DLGAP2: variants seen among roughly 807,000 people sequenced by gnomAD.
The protein encoded by DLGAP2 is disks large-associated protein 2.
A neutral mutation model predicts 100.3 loss-of-function variants in DLGAP2; 26 were observed. The observed-to-expected ratio is 0.26, with a 90% CI of 0.19 to 0.36. The LOEUF is 0.36. Ranked by LOEUF, DLGAP2 falls within the 10% of genes least tolerant of loss-of-function variation. DLGAP2 has a pLI of 1.00. For missense variants in DLGAP2, 1,858 were observed against 1,453.2 expected (o/e 1.28, Z -4.53); for synonymous variants, 886 against 630.1 (o/e 1.41, Z -6.08).
chr8:1,434,235 C>T (rs1424762831), intron 3 of DLGAP2, among the ~76,000 whole-genome samples: 1 of 152,112 alleles, frequency 6.6e-6, no homozygotes, highest in Non-Finnish European at 1.5e-5. Flanking sequence ...CAGACTGGCC[C>T]TGAGGAAATC....
In DLGAP2 at chr8:1,549,223, C is replaced by T. The variant is rs1365191214; in HGVS notation, c.770C>T (p.Thr257Ile). 6.2e-7 allele frequency: 1 copy of T among 1,604,358 alleles called. No homozygotes were observed. The highest frequency in any genetic ancestry group is 1.1e-5 in the South Asian group (1 of 90,074). Residue 257 changes from threonine (T) to isoleucine (I), a missense_variant, in exon 5 of 15, where the codon ACC becomes ATC. Physicochemically the swap from Thr to Ile is moderately conservative, Grantham distance 89. Transcript: ENST00000637795. ...TCCTCCAAAAGCAACGCCAACGGCACCAAGGCGGACGGCCGGGCGGACGAC... is the reference window on the plus strand; with the variant it reads ...TCCTCCAAAAGCAACGCCAACGGCATCAAGGCGGACGGCCGGGCGGACGAC... The part of the protein sequence containing the change: ...EGSSKSNANG[T>I]KADGRADDHH...
At chr8:1,427,717 C>G (rs574290281) in intron 3 of DLGAP2, among the ~76,000 whole-genome samples, 5 of 152,174 alleles carry the variant, frequency 3.3e-5, no homozygotes, top group Non-Finnish European at 7.3e-5. Context: ...GCTCTCTTCT[C>G]TTGTCTGCTG....
intron 2 of DLGAP2, among the ~76,000 whole-genome samples, chr8:921,038 A>G (rs967870420): frequency 6.6e-6 from 1 of 152,168 alleles, no homozygotes; most frequent in Non-Finnish European, 1.5e-5. Context: ...GGTTTACCTA[A>G]GTGTACATTT....
chr8:786,592 C>T (rs1258344937), intron 1 of DLGAP2, among the ~76,000 whole-genome samples: 1 of 152,060 alleles, frequency 6.6e-6, no homozygotes, highest in African/African-American at 2.4e-5. Flanking sequence ...ACAGTTCCCT[C>T]AGAGACCCAG....
intron 6 of DLGAP2, among the ~76,000 whole-genome samples, chr8:1,620,795 C>T (rs1385454178): frequency 6.6e-6 from 1 of 152,186 alleles, no homozygotes; most frequent in Non-Finnish European, 1.5e-5. Context: ...CAGGGACCGT[C>T]CTGAGCTCCC....
In DLGAP2 at chr8:1,104,796, C is replaced by T. The variant is rs1324383347; in HGVS notation, c.74-154055C>T. 2 of 152,330 alleles carry T rather than the reference C, an allele frequency of 1.3e-5. 1 individual carries two copies. Among genetic ancestry groups the T allele is most frequent in the East Asian group, 3.9e-4 (2 of 5,174 alleles). 9.4% of individuals were successfully genotyped at this position (152,330 alleles called of 1,614,324 possible). A position where few individuals can be genotyped will look rare whatever the true frequency, so the allele number is the denominator to read the frequency against. On this transcript the variant is annotated intron_variant, in intron 2 of 14. Transcript: ENST00000637795. ...TCAGCGAGGCAGCCCCGGGACCACT[C>T]GCACCTGCTGTTGGGTTAATTACCC...
At chr8:1,408,629 G>C (rs982273932) in intron 3 of DLGAP2, among the ~76,000 whole-genome samples, 4 of 152,174 alleles carry the variant, frequency 2.6e-5, no homozygotes, top group African/African-American at 9.7e-5. Context: ...AGGCAACATG[G>C]ATTCACGCAT....
At chr8:1,429,476 T>G (rs575300738) in intron 3 of DLGAP2, among the ~76,000 whole-genome samples, 3 of 152,166 alleles carry the variant, frequency 2.0e-5, no homozygotes, top group South Asian at 4.2e-4. Context: ...ACAGGAGACA[T>G]AAGAGATACA....
chr8:1,688,890 G>C (rs1256295241), intron 12 of DLGAP2, among the ~76,000 whole-genome samples: 2 of 152,150 alleles, frequency 1.3e-5, no homozygotes, highest in African/African-American at 2.4e-5. Flanking sequence ...TCTCTGCAAC[G>C]TCATTTTCAA....
chr8:1,278,450 T>G (rs767703186), intron 3 of DLGAP2, among the ~76,000 whole-genome samples: 13 of 152,180 alleles, frequency 8.5e-5, no homozygotes, highest in Non-Finnish European at 1.6e-4. Context: ...GAAGGATAAA[T>G]GAATTCCAAT....
intron 2 of DLGAP2, among the ~76,000 whole-genome samples, chr8:1,076,985 G>GC (rs1224099352): frequency 7.3e-5 from 10 of 136,490 alleles, no homozygotes; most frequent in African/African-American, 2.8e-4. Flanking sequence ...TCTGTCCCGG[G>GC]CCCCCCCAAG....
intron 3 of DLGAP2, among the ~76,000 whole-genome samples, chr8:1,306,420 T>A (rs1443925224): frequency 6.6e-6 from 1 of 152,176 alleles, no homozygotes; most frequent in Non-Finnish European, 1.5e-5. Flanking sequence ...TATAAAATGT[T>A]GTTATAAGAC....
At chr8:943,850 G>C (rs1799252579) in intron 2 of DLGAP2, among the ~76,000 whole-genome samples, 1 of 152,264 alleles carries the variant, frequency 6.6e-6, no homozygotes, top group African/African-American at 2.4e-5. Flanking sequence ...AAAAGTTAAT[G>C]AAGGTATCTG....
chr8:1,548,813 C>T lies in DLGAP2; in HGVS notation c.360C>T (p.Tyr120=). 2 of 1,580,786 alleles carry T rather than the reference C, an allele frequency of 1.3e-6. No individual in the cohort carries two copies. The highest frequency in any genetic ancestry group is 1.1e-5 in the South Asian group (1 of 88,602). Residue 120 remains tyrosine, a synonymous_variant, in exon 5 of 15, where the codon TAC becomes TAT. Transcript: ENST00000637795. ...ACGGGCCCGACGCGCGGCCGCCCTA[C>T]CTGCTGAGCCCCGCCGACAGCTGCC... ...LHHGPDARPP[Y]LLSPADSCPG...
chr8:1,662,927 C>T (rs993596893), intron 8 of DLGAP2, among the ~76,000 whole-genome samples: 3 of 124,380 alleles, frequency 2.4e-5, no homozygotes, highest in Non-Finnish European at 4.8e-5. Context: ...TGTGTGTACA[C>T]GTAGTGTGGG....
chr8:931,656 G>A (rs371196622), intron 2 of DLGAP2, among the ~76,000 whole-genome samples: 4 of 152,146 alleles, frequency 2.6e-5, no homozygotes, highest in East Asian at 1.9e-4. Context: ...CCCATTCTGA[G>A]TTTCTGATTA....
intron 3 of DLGAP2, among the ~76,000 whole-genome samples, chr8:1,473,849 A>C (rs966150540): frequency 2.0e-5 from 3 of 152,126 alleles, no homozygotes; most frequent in Non-Finnish European, 4.4e-5. Context: ...GTCTGCCACC[A>C]TGTAAGACCT....
chr8:1,460,526 G>A (rs1584926330), intron 3 of DLGAP2, among the ~76,000 whole-genome samples: 1 of 152,192 alleles, frequency 6.6e-6, no homozygotes, highest in East Asian at 1.9e-4. Context: ...CCTTCCTGGA[G>A]CCACAGTGGA....
chr8:1,332,784 G>A (rs1258380636), intron 3 of DLGAP2, among the ~76,000 whole-genome samples: 1 of 152,146 alleles, frequency 6.6e-6, no homozygotes, highest in Non-Finnish European at 1.5e-5. Context: ...TAGCTCTCTA[G>A]GGTCCTGGAC....
Sources: allele counts gnomAD v4.1 joint callset (sites outside exome capture counted in the v4.1 genomes callset), GRCh38; gene constraint gnomAD v4.1.1; transcripts MANE v1.5; gene names NCBI Gene and HGNC (gene_info 2026-07-23, HGNC 2026-07-21).